The following ACTN1 variants were observed in gnomAD, a reference collection of about 807,000 sequenced individuals.
The protein encoded by ACTN1 is alpha-actinin-1.
In ACTN1, 30 loss-of-function variants were observed where a neutral mutation model predicts 119.6. That is an observed-to-expected ratio of 0.25 (90% CI 0.19 to 0.34). ACTN1 has a LOEUF of 0.34. Ranked by LOEUF, ACTN1 falls within the 10% of genes least tolerant of loss-of-function variation. The pLI is 1.00. For synonymous variants in ACTN1, 429 were observed against 472.6 expected (o/e 0.91, Z 1.20); for missense variants, 764 against 1,223.4 (o/e 0.62, Z 5.60).
At chr14:68,965,669 C>A (rs1192855551) in intron 1 of ACTN1, among the ~76,000 whole-genome samples, 2 of 152,224 alleles carry the variant, frequency 1.3e-5, no homozygotes, top group African/African-American at 4.8e-5. Flanking sequence ...GCCTCCCACT[C>A]AGGACCACAC....
At chr14:68,904,573 G>A in intron 7 of ACTN1, 82 bp downstream of exon 7, 1 of 1,311,456 alleles carries the variant, frequency 7.6e-7, no homozygotes, top group Non-Finnish European at 1.1e-6. Context: ...TCCAGCCCCG[G>A]ACTGCTGGGG....
At chr14:68,891,914 G>T in intron 10 of ACTN1, 139 bp downstream of exon 10, 1 of 1,140,596 alleles carries the variant, frequency 8.8e-7, no homozygotes, top group Non-Finnish European at 1.2e-6. Context: ...AGGGGGAAGT[G>T]ACTTCTGGAG....
rs1262004773 is a variant in ACTN1, at chr14:68,875,072, G to A, written c.2587-55C>T. 2.5e-6 allele frequency: 4 copies of A among 1,601,314 alleles called. No homozygotes were observed. In the African/African-American group the frequency reaches 4.0e-5, roughly 16 times the overall value. On this transcript the variant is annotated intron_variant, in intron 21 of 21. Coordinates refer to ENST00000394419, the MANE Select transcript of ACTN1 (RefSeq NM_001130004.2). ...CAAAGTCCAGCAGCCGTAAAGCGGC[G>A]CGGCCCGACACAGCCGCAAAGCCTG...
intron 1 of ACTN1, among the ~76,000 whole-genome samples, chr14:68,928,547 C>T (rs1041353057): frequency 6.6e-6 from 1 of 152,176 alleles, no homozygotes; most frequent in African/African-American, 2.4e-5. Flanking sequence ...TTCTCAGATC[C>T]ACTATTTACT....
chr14:68,978,934 G>A lies in ACTN1; in HGVS notation c.105+18C>T, dbSNP rs185589644. On this transcript the variant is annotated intron_variant, in intron 1 of 21. Coordinates refer to ENST00000394419, the MANE Select transcript of ACTN1 (RefSeq NM_001130004.2). ...GGCTGGGGGCTGGGGGCTGCAGCGG[G>A]CGGGGGCGGCTGCTAACCTTTCTCT... 5,981 of 1,546,722 alleles carry A rather than the reference G, an allele frequency of 3.9e-3. 222 individuals are homozygous for A. In the African/African-American group the frequency reaches 0.073, roughly 19 times the overall value.
chr14:68,884,626 A>G (rs1318283649), intron 13 of ACTN1, 149 bp downstream of exon 13: 17 of 731,722 alleles, frequency 2.3e-5, no homozygotes, highest in Non-Finnish European at 3.9e-5. Context: ...TCCTGTGCCA[A>G]AGTGAATCTT....
In ACTN1 at chr14:68,885,632, C is replaced by A; in HGVS notation, c.1235-57G>T. 6.3e-7 allele frequency: 1 copy of A among 1,578,296 alleles called. No homozygotes were observed. Among genetic ancestry groups the A allele is most frequent in the Non-Finnish European group, 8.6e-7 (1 of 1,164,164 alleles). ...GGAGTGAGAAGCATCTCCTTGGTCC[C>A]AACCGCCCACCCCTCAGGGCCCCAG... On this transcript the variant is annotated intron_variant, in intron 11 of 21. Coordinates refer to ENST00000394419, the MANE Select transcript of ACTN1 (RefSeq NM_001130004.2). The surrounding 1 kb of genome is among the most constrained non-coding windows in gnomAD (Gnocchi z 5.6).
chr14:68,957,544 G>A (rs150226268), intron 1 of ACTN1, among the ~76,000 whole-genome samples: 4 of 152,374 alleles, frequency 2.6e-5, no homozygotes, highest in African/African-American at 9.6e-5. Flanking sequence ...CCTAAGGACT[G>A]AAGCCTCGCT....
At chr14:68,966,043 C>T (rs540243793) in intron 1 of ACTN1, among the ~76,000 whole-genome samples, 6 of 152,108 alleles carry the variant, frequency 3.9e-5, no homozygotes, top group African/African-American at 1.4e-4. Flanking sequence ...CACAGCAAGA[C>T]CCTGTCCCTA....
chr14:68,972,462 TTTATA>T (rs1428597878), intron 1 of ACTN1, among the ~76,000 whole-genome samples: 9 of 152,336 alleles, frequency 5.9e-5, no homozygotes, highest in African/African-American at 1.9e-4. Context: ...CATTTTCTTC[TTTATA>T]TTAGTTAATA....
At chr14:68,912,771 G>A (rs1206630062) in intron 3 of ACTN1, among the ~76,000 whole-genome samples, 3 of 152,176 alleles carry the variant, frequency 2.0e-5, no homozygotes, top group Non-Finnish European at 4.4e-5. Flanking sequence ...AATCCTAGTT[G>A]GAGACAGTGG....
intron 8 of ACTN1, among the ~76,000 whole-genome samples, chr14:68,893,988 A>C (rs1475354770): frequency 6.6e-6 from 1 of 152,154 alleles, no homozygotes; most frequent in Non-Finnish European, 1.5e-5. Context: ...GGGCCCCTGG[A>C]GAACAGCCTG....
At chr14:68,962,918 T>A (rs1349510436) in intron 1 of ACTN1, among the ~76,000 whole-genome samples, 1 of 152,204 alleles carries the variant, frequency 6.6e-6, no homozygotes, top group African/African-American at 2.4e-5. Context: ...ACAAGCCTGG[T>A]GCCTGCTACT....
At chr14:68,887,797 G>A (rs1004162038) in intron 11 of ACTN1, 21 of 960,118 alleles carry the variant, frequency 2.2e-5, no homozygotes, top group South Asian at 3.9e-5. Context: ...AATCAGACTC[G>A]GCTTCTTTCT....
At chr14:68,929,286 T>C (rs1277121628) in intron 1 of ACTN1, among the ~76,000 whole-genome samples, 1 of 152,050 alleles carries the variant, frequency 6.6e-6, no homozygotes, top group Non-Finnish European at 1.5e-5. Context: ...ACCTGCTCCT[T>C]AGCAGTGCTC....
At position 68,880,691 on chromosome 14, in the gene ACTN1, A is replaced by G; in HGVS notation, c.2133+119T>C. The G allele has an allele frequency of 9.6e-7, 1 of 1,039,586 alleles. No individual in the cohort carries two copies. Among genetic ancestry groups the G allele is most frequent in the South Asian group, 1.6e-5 (1 of 63,586 alleles). 64.4% of individuals were successfully genotyped at this position (1,039,586 alleles called of 1,614,324 possible). A position where few individuals can be genotyped will look rare whatever the true frequency, so the allele number is the denominator to read the frequency against. On this transcript the variant is annotated intron_variant, in intron 17 of 21. Coordinates refer to ENST00000394419, the MANE Select transcript of ACTN1 (RefSeq NM_001130004.2). This position sits in a 1 kb window ranked among gnomAD's most constrained non-coding sequence, Gnocchi z 4.6. ...CTAAAAATTGAAGATGTGAGGCTTC[A>G]GGGGTGAAGTTAATTTATCCTCCAA...
intron 8 of ACTN1, chr14:68,900,934 C>G (rs991097608): frequency 1.3e-5 from 2 of 152,216 alleles, no homozygotes; most frequent in East Asian, 3.9e-4. Flanking sequence ...CCGGCCTTAG[C>G]GTGCCTACAC....
intron 6 of ACTN1, among the ~76,000 whole-genome samples, chr14:68,906,070 C>CGG (rs145423638): frequency 0.03 from 4,532 of 150,314 alleles, 140 homozygotes; most frequent in African/African-American, 0.068. Context: ...AGCCAGAGGC[C>CGG]GGGGGGGCAG....
At position 68,892,146 on chromosome 14, in the gene ACTN1, C is replaced by T. The variant is rs10133712; in HGVS notation, c.993G>A (p.Lys331=). The part of the protein sequence containing the change: ...RLHKPPKVQE[K]CQLEINFNTL... ...TGTTGAAGTTGATCTCCAGCTGGCA[C>T]TTCTCCTGCACCTTGGGCGGCTTGT... Residue 331 remains lysine (K), a synonymous_variant, in exon 10 of 22, where the codon AAG becomes AAA. Coordinates refer to ENST00000394419, the MANE Select transcript of ACTN1 (RefSeq NM_001130004.2). 2.0e-3 allele frequency: 3,169 copies of T among 1,614,100 alleles called. 60 individuals are homozygous for T. The African/African-American group carries it at 0.038, about 19-fold the overall frequency.
Sources: gnomAD v4.1 joint callset for allele counts (sites outside exome capture counted in the v4.1 genomes callset) on GRCh38, gnomAD v4.1.1 for gene constraint, Gnocchi (gnomAD v3.1) non-coding constraint, MANE v1.5 for transcripts, NCBI Gene and HGNC (gene_info 2026-07-23, HGNC 2026-07-21) for gene names.